The following LOC400499 variants were observed in gnomAD, a reference collection of about 807,000 sequenced individuals.
At chr16:11,402,394 C>G in the LOC400499 span, 1 of 375,358 alleles carries the variant, frequency 2.7e-6, no homozygotes, top group Non-Finnish European at 4.7e-6. Flanking sequence ...CAATGAGACT[C>G]TGAGGCTCCT....
the LOC400499 span, among the ~76,000 whole-genome samples, chr16:11,497,683 G>T: frequency 6.6e-6 from 1 of 152,100 alleles, no homozygotes; most frequent in Non-Finnish European, 1.5e-5. Context: ...ATGAGGCCTG[G>T]GTGCTGAGCA....
At chr16:11,499,364 G>A in the LOC400499 span, among the ~76,000 whole-genome samples, 1 of 149,510 alleles carries the variant, frequency 6.7e-6, no homozygotes, top group Non-Finnish European at 1.5e-5. Flanking sequence ...GGGGGAAGGG[G>A]AAGGAGACAG....
the LOC400499 span, chr16:11,456,771 G>T: frequency 1.4e-6 from 2 of 1,441,084 alleles, no homozygotes; most frequent in Non-Finnish European, 1.9e-6. Context: ...AGGAAAAGGT[G>T]TTCCAGGAAG....
chr16:11,509,100 C>T, the LOC400499 span, among the ~76,000 whole-genome samples: 2 of 150,858 alleles, frequency 1.3e-5, no homozygotes, highest in Admixed American at 6.7e-5. Flanking sequence ...CATCAGGGAA[C>T]ACTGAGTATC....
chr16:11,377,011 C>A, the LOC400499 span, among the ~76,000 whole-genome samples: 3 of 150,566 alleles, frequency 2.0e-5, no homozygotes, highest in South Asian at 6.3e-4. Flanking sequence ...TATTCACAGG[C>A]ATAATCATCG....
At chr16:11,382,442 C>T in the LOC400499 span, among the ~76,000 whole-genome samples, 10 of 152,210 alleles carry the variant, frequency 6.6e-5, no homozygotes, top group East Asian at 1.9e-4. Flanking sequence ...GGGAATCATA[C>T]GCAGCACTGG....
chr16:11,391,803 G>T, the LOC400499 span: 1 of 1,232,178 alleles, frequency 8.1e-7, no homozygotes, highest in Admixed American at 4.2e-5. Flanking sequence ...CTCCCGCCCC[G>T]CCTGGGACAG....
At chr16:11,414,760 C>G in the LOC400499 span, among the ~76,000 whole-genome samples, 1 of 152,224 alleles carries the variant, frequency 6.6e-6, no homozygotes. Flanking sequence ...GTTGAAGTTG[C>G]TGAAATGACA....
At chr16:11,518,966 T>A in the LOC400499 span, 1 of 398,852 alleles carries the variant, frequency 2.5e-6, no homozygotes, top group East Asian at 3.6e-5. Flanking sequence ...CTGGAAGTCT[T>A]GGAGCTGAAG....
chr16:11,380,535 A>T, the LOC400499 span, among the ~76,000 whole-genome samples: 1 of 152,166 alleles, frequency 6.6e-6, no homozygotes, highest in Non-Finnish European at 1.5e-5. Context: ...TCAAAAAAAA[A>T]TAAGAATAAT....
At chr16:11,456,011 T>G in the LOC400499 span, among the ~76,000 whole-genome samples, 6 of 150,478 alleles carry the variant, frequency 4.0e-5, no homozygotes, top group South Asian at 2.1e-4. Context: ...AAATAAAAAC[T>G]GAAAAAATGG....
At chr16:11,385,000 G>A in the LOC400499 span, 1 of 1,232,246 alleles carries the variant, frequency 8.1e-7, no homozygotes, top group Non-Finnish European at 1.0e-6. Context: ...TCCTTGTCGT[G>A]GCAGGATGCA....
the LOC400499 span, among the ~76,000 whole-genome samples, chr16:11,504,061 ACTC>A: frequency 0.02 from 2,975 of 151,280 alleles, 101 homozygotes; most frequent in African/African-American, 0.068. Flanking sequence ...GCCCGGGACC[ACTC>A]CTCCTCCTCT....
chr16:11,469,231 C>T, the LOC400499 span: 1 of 399,482 alleles, frequency 2.5e-6, no homozygotes, highest in Non-Finnish European at 4.4e-6. Context: ...CCCGTGTGGG[C>T]ACTCCCAAGA....
chr16:11,377,144 T>G, the LOC400499 span, among the ~76,000 whole-genome samples: 6 of 152,148 alleles, frequency 3.9e-5, no homozygotes, highest in African/African-American at 1.4e-4. Flanking sequence ...ATTTCCTTCT[T>G]GGATTCTTGA....
chr16:11,415,254 A>G, the LOC400499 span, among the ~76,000 whole-genome samples: 1 of 152,184 alleles, frequency 6.6e-6, no homozygotes, highest in African/African-American at 2.4e-5. Flanking sequence ...TTTGCTATAC[A>G]GAGAAACTCA....
the LOC400499 span, among the ~76,000 whole-genome samples, chr16:11,416,918 C>G: frequency 6.6e-6 from 1 of 151,858 alleles, no homozygotes; most frequent in Non-Finnish European, 1.5e-5. Context: ...TCTGATGGCT[C>G]GCAGGCCCCT....
the LOC400499 span, among the ~76,000 whole-genome samples, chr16:11,426,819 AG>A: frequency 6.9e-6 from 1 of 145,708 alleles, no homozygotes; most frequent in Non-Finnish European, 1.5e-5. Context: ...GCTACTTGGG[AG>A]GCTAAGGCAG....
At chr16:11,456,372 C>G in the LOC400499 span, among the ~76,000 whole-genome samples, 121,427 of 151,972 alleles carry the variant, frequency 0.8, 48,565 homozygotes, top group African/African-American at 0.82. Flanking sequence ...TTAAAAGTGA[C>G]AGACAGTGTT....
Sources: gnomAD v4.1 joint callset for allele counts (sites outside exome capture counted in the v4.1 genomes callset) on GRCh38, gnomAD v4.1.1 for gene constraint, MANE v1.5 for transcripts.